ROBO2: variants seen among roughly 807,000 people sequenced by gnomAD.
ROBO2 encodes the protein roundabout guidance receptor 2.
Under a neutral mutation model 160.8 loss-of-function variants are expected in ROBO2, and 53 were observed. That is an observed-to-expected ratio of 0.33 (90% CI 0.26 to 0.41). The LOEUF (loss-of-function observed/expected upper bound fraction) is 0.41. Among genes scored for constraint, ROBO2 ranks in the 10% least tolerant of loss-of-function variants. ROBO2 has a pLI of 1.00. For missense variants in ROBO2, 1,577 were observed against 1,722.4 expected (o/e 0.92, Z 1.49); for synonymous variants, 664 against 611.7 (o/e 1.09, Z -1.26).
chr3:77,157,675 T>A (rs532105267), intron 2 of ROBO2, among the ~76,000 whole-genome samples: 5 of 152,256 alleles, frequency 3.3e-5, no homozygotes, highest in African/African-American at 1.2e-4. Flanking sequence ...GATTTGAGTA[T>A]TCTTGCTTTA....
chr3:77,302,807 A>G (rs781330738), intron 2 of ROBO2, among the ~76,000 whole-genome samples: 1 of 152,198 alleles, frequency 6.6e-6, no homozygotes, highest in Non-Finnish European at 1.5e-5. Context: ...TGACCTTTTT[A>G]TTGAGAAAGT....
chr3:76,666,749 C>T (rs1178406255), intron 2 of ROBO2, among the ~76,000 whole-genome samples: 7 of 151,900 alleles, frequency 4.6e-5, no homozygotes, highest in African/African-American at 1.7e-4. Flanking sequence ...AACCAGTTTA[C>T]GTCTGATTTA....
At chr3:76,763,317 A>G (rs2061405814) in intron 2 of ROBO2, among the ~76,000 whole-genome samples, 1 of 151,696 alleles carries the variant, frequency 6.6e-6, no homozygotes, top group Non-Finnish European at 1.5e-5. Flanking sequence ...ATGTATGCAA[A>G]ATTAAATGAT....
At chr3:77,254,270 A>G (rs2090691835) in intron 2 of ROBO2, among the ~76,000 whole-genome samples, 2 of 152,206 alleles carry the variant, frequency 1.3e-5, no homozygotes, top group South Asian at 4.1e-4. Flanking sequence ...TCAAAAAGAA[A>G]GAAAAAATAG....
chr3:76,505,927 T>TA (rs1423061626), intron 2 of ROBO2, among the ~76,000 whole-genome samples: 1 of 152,208 alleles, frequency 6.6e-6, no homozygotes, highest in Non-Finnish European at 1.5e-5. Flanking sequence ...TTTATACACT[T>TA]ACACATTTGT....
In ROBO2 at chr3:77,221,922, G is replaced by A. The variant is rs142361300; in HGVS notation, c.388+123582G>A. On this transcript the variant is annotated intron_variant, in intron 2 of 25. Transcript: ENST00000461745. ...GTCTGTACTGCAGTGGCACGATCTC[G>A]GCTCACTACAACCTCCGCCTCCCAG... Among the ~76,000 whole-genome samples the A allele has an allele frequency of 2.8e-3, 395 of 143,514 alleles. 3 individuals are homozygous for A. The highest frequency in any genetic ancestry group is 9.8e-3 in the African/African-American group (374 of 38,050). 94.2% of individuals were successfully genotyped at this position (143,514 alleles called of 152,430 possible).
At chr3:76,220,126 A>G (rs941109038) in intron 2 of ROBO2, among the ~76,000 whole-genome samples, 18 of 143,660 alleles carry the variant, frequency 1.3e-4, no homozygotes, top group African/African-American at 4.3e-4. Flanking sequence ...GAATTGAACA[A>G]TGAGAACACA....
chr3:76,214,089 A>T (rs1441611438), intron 2 of ROBO2, among the ~76,000 whole-genome samples: 1 of 152,140 alleles, frequency 6.6e-6, no homozygotes, highest in Non-Finnish European at 1.5e-5. Flanking sequence ...GTTGACAGAT[A>T]ACATTAATTA....
chr3:76,082,007 G>A (rs2068849998), intron 2 of ROBO2, among the ~76,000 whole-genome samples: 1 of 152,016 alleles, frequency 6.6e-6, no homozygotes, highest in Non-Finnish European at 1.5e-5. Flanking sequence ...AAAGATAATT[G>A]AGCCCCCAAC....
chr3:76,626,907 G>T (rs1352220252), intron 2 of ROBO2, among the ~76,000 whole-genome samples: 4 of 152,056 alleles, frequency 2.6e-5, no homozygotes, highest in Non-Finnish European at 5.9e-5. Context: ...CGCCAGGATG[G>T]TCTCAATCTC....
At chr3:76,219,978 C>T (rs1182902265) in intron 2 of ROBO2, among the ~76,000 whole-genome samples, 1 of 151,876 alleles carries the variant, frequency 6.6e-6, no homozygotes, top group Non-Finnish European at 1.5e-5. Flanking sequence ...ACATATACAC[C>T]ATGGAATACT....
chr3:77,540,793 G>C (rs185511331), intron 6 of ROBO2, among the ~76,000 whole-genome samples: 6 of 152,058 alleles, frequency 3.9e-5, no homozygotes, highest in Non-Finnish European at 8.8e-5. Flanking sequence ...TCAGTTTACT[G>C]GTTTTACATC....
chr3:76,817,360 C>T (rs2065764039), intron 2 of ROBO2, among the ~76,000 whole-genome samples: 1 of 151,960 alleles, frequency 6.6e-6, no homozygotes, highest in Non-Finnish European at 1.5e-5. Context: ...TAAAGTTAGG[C>T]ATTTTTGTGT....
intron 2 of ROBO2, among the ~76,000 whole-genome samples, chr3:76,141,056 C>CATATATATATATATAT (rs1467448213): frequency 4.9e-4 from 3 of 6,118 alleles, no homozygotes; most frequent in Admixed American, 3.2e-3. Context: ...TGTCTTTTTA[C>CATATATATATATATAT]ATACATATAT....
chr3:76,594,256 C>T (rs925124836), intron 2 of ROBO2, among the ~76,000 whole-genome samples: 2 of 151,968 alleles, frequency 1.3e-5, no homozygotes, highest in African/African-American at 4.8e-5. Context: ...CTCTCTATTC[C>T]TAACCTAACC....
intron 2 of ROBO2, among the ~76,000 whole-genome samples, chr3:76,926,935 G>A (rs1013882300): frequency 1.3e-5 from 2 of 151,172 alleles, no homozygotes; most frequent in African/African-American, 4.9e-5. Context: ...AGCAAATAAT[G>A]GTGGAAAAAA....
chr3:75,907,302 C>T (rs1003271725), intron 1 of ROBO2, among the ~76,000 whole-genome samples: 1 of 152,142 alleles, frequency 6.6e-6, no homozygotes, highest in Non-Finnish European at 1.5e-5. Flanking sequence ...TTGCTTGCCT[C>T]ATGCCCAATT....
At chr3:75,998,956 C>T (rs186793394) in intron 2 of ROBO2, among the ~76,000 whole-genome samples, 97 of 152,212 alleles carry the variant, frequency 6.4e-4, no homozygotes, top group Middle Eastern at 3.4e-3. Flanking sequence ...TTCATTTCTC[C>T]GCCCTTTTAC....
chr3:77,006,266 G>A (rs1471304424), intron 2 of ROBO2, among the ~76,000 whole-genome samples: 1 of 150,370 alleles, frequency 6.7e-6, no homozygotes, highest in Non-Finnish European at 1.5e-5. Flanking sequence ...CACATATAAT[G>A]TATATACTGG....
Sources: gnomAD v4.1 joint callset for allele counts (sites outside exome capture counted in the v4.1 genomes callset) on GRCh38, gnomAD v4.1.1 for gene constraint, MANE v1.5 for transcripts, NCBI Gene and HGNC (gene_info 2026-07-23, HGNC 2026-07-21) for gene names.